The following FGF9 variants were observed in gnomAD, a reference collection of about 807,000 sequenced individuals.
FGF9 encodes the protein fibroblast growth factor 9 (glia-activating factor).
A neutral mutation model predicts 19.9 loss-of-function variants in FGF9; 3 were observed. The ratio of observed to expected loss-of-function variants is 0.15; its 90% CI spans 0.07 to 0.39. FGF9 has a LOEUF of 0.39. Among genes scored for constraint, FGF9 ranks in the 10% least tolerant of loss-of-function variants. FGF9 has a pLI of 1.00. For synonymous variants in FGF9, 107 were observed against 106.9 expected (o/e 1.00, Z -0.01); for missense variants, 175 against 256.8 (o/e 0.68, Z 2.18).
intron 2 of FGF9, among the ~76,000 whole-genome samples, chr13:21,693,780 G>A (rs181703337): frequency 1.3e-5 from 2 of 152,262 alleles, no homozygotes; most frequent in African/African-American, 2.4e-5. Context: ...GAGAAGGAGA[G>A]CCCCTGGGGC....
chr13:21,700,959 G>A (rs1010708367), intron 2 of FGF9, among the ~76,000 whole-genome samples: 1 of 152,150 alleles, frequency 6.6e-6, no homozygotes, highest in Non-Finnish European at 1.5e-5. Flanking sequence ...GCAACGGAAT[G>A]TTACTTTTAA....
At chr13:21,673,230 A>G (rs1028702819) in intron 1 of FGF9, among the ~76,000 whole-genome samples, 2 of 152,160 alleles carry the variant, frequency 1.3e-5, no homozygotes, top group Non-Finnish European at 2.9e-5. Flanking sequence ...CCCACCTGAC[A>G]ACACTTAAAC....
intron 2 of FGF9, among the ~76,000 whole-genome samples, chr13:21,681,441 G>T (rs1872041302): frequency 6.6e-6 from 1 of 152,254 alleles, no homozygotes; most frequent in Non-Finnish European, 1.5e-5. Flanking sequence ...TTGAATGAGA[G>T]TTATTTTTGA....
Position 21,672,278 on chromosome 13 carries a change from G to A in FGF9, c.277+89G>A. 1 of 1,413,232 alleles carries A rather than the reference G, an allele frequency of 7.1e-7. No homozygotes were observed. Among genetic ancestry groups the A allele is most frequent in the East Asian group, 2.3e-5 (1 of 43,858 alleles). 87.5% of individuals were successfully genotyped at this position (1,413,232 alleles called of 1,614,324 possible). On this transcript the variant is annotated intron_variant, in intron 1 of 2. Coordinates refer to ENST00000382353, the MANE Select transcript of FGF9 (RefSeq NM_002010.3). The surrounding 1 kb of genome is among the most constrained non-coding windows in gnomAD (Gnocchi z 4.2). ...AGGTGGTGGCCGGGTGGGGGACGTG[G>A]GAAGGGTTCTCCCCTCCTCCCCTCT... is the stretch of plus-strand genomic sequence containing the variant.
Position 21,671,331 on chromosome 13 carries a change from AG to A in FGF9, c.-576del, listed in dbSNP as rs1315522095. 1.8e-5 allele frequency: 7 copies of A among 389,674 alleles called. No homozygotes were observed. Among genetic ancestry groups the A allele is most frequent in the African/African-American group, 1.2e-4 (6 of 48,466 alleles). The allele number at this position is 389,674 out of a possible 1,614,324, so 24.1% of individuals were successfully genotyped here. A position where few individuals can be genotyped will look rare whatever the true frequency, so the allele number is the denominator to read the frequency against. On this transcript the variant is annotated 5_prime_UTR_variant, in exon 1 of 3. Transcript: ENST00000382353. The stretch of plus-strand genomic sequence containing the variant: ...TTTTATTATTATTATCATTTTTTGG[AG>A]GGGGGACCGGGAGGGGAGATTTGTC...
Position 21,672,237 on chromosome 13 carries a change from AT to A in FGF9, c.277+50del. The stretch of plus-strand genomic sequence containing the variant: ...AGTGTCCATGAGATGACATGTTGAA[AT>A]TATAACTACCAAGAAGGTGGTGGCC... On this transcript the variant is annotated intron_variant, in intron 1 of 2. Coordinates refer to ENST00000382353, the MANE Select transcript of FGF9 (RefSeq NM_002010.3). The surrounding 1 kb of genome is among the most constrained non-coding windows in gnomAD (Gnocchi z 4.2). 6.2e-7 allele frequency: 1 copy of A among 1,608,280 alleles called. No individual in the cohort carries two copies. Among genetic ancestry groups the A allele is most frequent in the Non-Finnish European group, 8.5e-7 (1 of 1,175,162 alleles).
intron 2 of FGF9, among the ~76,000 whole-genome samples, chr13:21,698,737 G>A (rs571238108): frequency 4.6e-5 from 7 of 152,302 alleles, no homozygotes; most frequent in African/African-American, 1.7e-4. Context: ...GGAGGAGGAA[G>A]TGTTCTACAT....
At chr13:21,697,871 G>A (rs1385788882) in intron 2 of FGF9, among the ~76,000 whole-genome samples, 5 of 151,130 alleles carry the variant, frequency 3.3e-5, no homozygotes, top group Non-Finnish European at 7.4e-5. Flanking sequence ...CAGTGGCACG[G>A]TCTTGGCTCA....
intron 2 of FGF9, among the ~76,000 whole-genome samples, chr13:21,698,893 T>TA (rs559854352): frequency 5.9e-5 from 9 of 152,294 alleles, no homozygotes; most frequent in South Asian, 2.1e-4. Context: ...TTATTAATGA[T>TA]AAAAAAATGC....
Position 21,701,769 on chromosome 13 carries a change from C to T in FGF9, c.*334C>T, listed in dbSNP as rs1023288089. Reference sequence around the variant, plus strand: ...TGTGTAGCGGGAGATGTGGGCGGAGCGAGAGCAAAAGGACTGCGGCCTGAT... The same window carrying T: ...TGTGTAGCGGGAGATGTGGGCGGAGTGAGAGCAAAAGGACTGCGGCCTGAT... On this transcript the variant is annotated 3_prime_UTR_variant, in exon 3 of 3. Transcript: ENST00000382353. The T allele has an allele frequency of 5.5e-5, 17 of 306,828 alleles. No homozygotes were observed. Among genetic ancestry groups the T allele is most frequent in the African/African-American group, 2.0e-4 (9 of 44,818 alleles). 19.0% of individuals were successfully genotyped at this position (306,828 alleles called of 1,614,324 possible).
intron 2 of FGF9, among the ~76,000 whole-genome samples, chr13:21,696,640 C>T (rs189163705): frequency 1.3e-3 from 200 of 152,238 alleles, no homozygotes; most frequent in Non-Finnish European, 1.4e-3. Context: ...TCCCTTCATC[C>T]GCACATCTAT....
chr13:21,700,240 T>A (rs1291726530), intron 2 of FGF9, among the ~76,000 whole-genome samples: 1 of 152,092 alleles, frequency 6.6e-6, no homozygotes, highest in Admixed American at 6.6e-5. Flanking sequence ...ATGTAGCTTT[T>A]TTAGTTAGGG....
intron 1 of FGF9, among the ~76,000 whole-genome samples, chr13:21,675,939 T>C (rs74499014): frequency 0.035 from 5,180 of 146,998 alleles, 284 homozygotes; most frequent in Admixed American, 0.15. Context: ...TTTTTTTTTT[T>C]CCCCCTCGGA....
At chr13:21,697,693 T>G (rs1300390303) in intron 2 of FGF9, among the ~76,000 whole-genome samples, 1 of 152,208 alleles carries the variant, frequency 6.6e-6, no homozygotes, top group Non-Finnish European at 1.5e-5. Flanking sequence ...TAGTGATACC[T>G]CTACCACTGC....
At chr13:21,692,029 G>A (rs543752628) in intron 2 of FGF9, among the ~76,000 whole-genome samples, 1 of 143,518 alleles carries the variant, frequency 7.0e-6, no homozygotes, top group South Asian at 2.2e-4. Flanking sequence ...GAAGTTTGCT[G>A]CTTCTTTGTA....
Position 21,691,676 on chromosome 13 carries a change from C to A in FGF9, c.382-9514C>A, listed in dbSNP as rs1480866448. On this transcript the variant is annotated intron_variant, in intron 2 of 2. Transcript: ENST00000382353. This position sits in a 1 kb window ranked among gnomAD's most constrained non-coding sequence, Gnocchi z 4.2. Reference sequence around the variant, plus strand: ...CATCCTTACAAAGTGGAGTGGGAACCACTGTCCTGGGCCAGCTTTGGCAGT... The same window carrying A: ...CATCCTTACAAAGTGGAGTGGGAACAACTGTCCTGGGCCAGCTTTGGCAGT... Among the ~76,000 whole-genome samples the A allele has an allele frequency of 6.6e-6, 1 of 152,234 alleles. No homozygotes were observed. Among genetic ancestry groups the A allele is most frequent in the Non-Finnish European group, 1.5e-5 (1 of 68,040 alleles).
chr13:21,681,245 G>A (rs750448757), intron 2 of FGF9, 100 bp downstream of exon 2: 3 of 892,792 alleles, frequency 3.4e-6, no homozygotes, highest in Non-Finnish European at 5.5e-6. Flanking sequence ...AACTGAGTCT[G>A]TTTGGAAGGC....
intron 2 of FGF9, among the ~76,000 whole-genome samples, chr13:21,689,248 T>C (rs900980533): frequency 1.3e-5 from 2 of 152,270 alleles, no homozygotes; most frequent in African/African-American, 4.8e-5. Flanking sequence ...TAAGAGAGCC[T>C]GAGAGAGTAG....
At chr13:21,701,056 G>T in intron 2 of FGF9, 134 bp from the exon 3 acceptor site, 1 of 674,530 alleles carries the variant, frequency 1.5e-6, no homozygotes, top group Non-Finnish European at 2.6e-6. Context: ...TACATGTGTA[G>T]GATGCGCAGG....
Sources: allele counts gnomAD v4.1 joint callset (sites outside exome capture counted in the v4.1 genomes callset), GRCh38; gene constraint gnomAD v4.1.1; non-coding constraint Gnocchi (gnomAD v3.1); transcripts MANE v1.5; gene names NCBI Gene and HGNC (gene_info 2026-07-23, HGNC 2026-07-21).